The following SPOPL variants were observed in gnomAD, a reference collection of about 807,000 sequenced individuals.
The protein encoded by SPOPL is speckle type BTB/POZ protein like.
Under a neutral mutation model 53.8 loss-of-function variants are expected in SPOPL, and 23 were observed. The observed-to-expected ratio is 0.43, with a 90% CI of 0.31 to 0.61. The LOEUF (loss-of-function observed/expected upper bound fraction) is 0.61. Ranked by LOEUF, SPOPL falls within the 20% of genes least tolerant of loss-of-function variation. SPOPL has a pLI of 0.12. For missense variants in SPOPL, 442 were observed against 466.9 expected, an observed-to-expected ratio of 0.95 and a Z score of 0.49; for synonymous variants, 164 against 149.7, an observed-to-expected ratio of 1.10 and a Z score of -0.70.
At chr2:138,553,747 G>A (rs1242953824) in intron 5 of SPOPL, among the ~76,000 whole-genome samples, 1 of 151,996 alleles carries the variant, frequency 6.6e-6, no homozygotes, top group Non-Finnish European at 1.5e-5. Context: ...AATTTATTAT[G>A]AATACAATTA....
chr2:138,550,685 T>C (rs772720649), intron 3 of SPOPL, 81 bp downstream of exon 3: 42 of 1,523,396 alleles, frequency 2.8e-5, no homozygotes, highest in Non-Finnish European at 3.1e-5. Flanking sequence ...TTATCATTTT[T>C]CCTGAATGAG....
At chr2:138,533,387 C>T (rs1236315436) in intron 1 of SPOPL, among the ~76,000 whole-genome samples, 3 of 152,134 alleles carry the variant, frequency 2.0e-5, no homozygotes, top group African/African-American at 7.2e-5. Flanking sequence ...ACAGTACTCT[C>T]TCATATTATC....
At chr2:138,540,117 T>G (rs1404973198) in intron 1 of SPOPL, among the ~76,000 whole-genome samples, 14 of 152,280 alleles carry the variant, frequency 9.2e-5, no homozygotes, top group South Asian at 8.3e-4. Flanking sequence ...CTCTGTTTTG[T>G]TACCAGTACC....
At chr2:138,546,826 T>C (rs949271687) in intron 1 of SPOPL, among the ~76,000 whole-genome samples, 3 of 152,214 alleles carry the variant, frequency 2.0e-5, no homozygotes, top group Non-Finnish European at 4.4e-5. Context: ...ATATATAATA[T>C]CTTGTAAAGT....
chr2:138,526,991 G>A (rs1684690255), intron 1 of SPOPL, among the ~76,000 whole-genome samples: 1 of 152,130 alleles, frequency 6.6e-6, no homozygotes, highest in Non-Finnish European at 1.5e-5. Context: ...TTCCCAAAGT[G>A]CAGGGATTAC....
At chr2:138,506,657 G>A (rs952730396) in intron 1 of SPOPL, among the ~76,000 whole-genome samples, 1 of 152,078 alleles carries the variant, frequency 6.6e-6, no homozygotes, top group South Asian at 2.1e-4. Flanking sequence ...TTATTTTGTA[G>A]TTTCAGGGAA....
intron 1 of SPOPL, among the ~76,000 whole-genome samples, chr2:138,504,107 A>G (rs1024296316): frequency 2.6e-5 from 4 of 152,262 alleles, no homozygotes; most frequent in Non-Finnish European, 5.9e-5. Flanking sequence ...TTTAAATAGT[A>G]AAAGTTTGAA....
intron 1 of SPOPL, among the ~76,000 whole-genome samples, chr2:138,536,185 T>G (rs776507582): frequency 3.9e-5 from 6 of 152,216 alleles, no homozygotes; most frequent in Non-Finnish European, 8.8e-5. Flanking sequence ...GGTCATACTT[T>G]CTGTTTTTTC....
intron 1 of SPOPL, among the ~76,000 whole-genome samples, chr2:138,546,649 T>C (rs547506436): frequency 1.5e-4 from 23 of 152,282 alleles, no homozygotes; most frequent in African/African-American, 5.3e-4. Context: ...TTTTGTAAAA[T>C]ATGGAAGGGC....
At chr2:138,549,499 G>A (rs1257119366) in intron 1 of SPOPL, among the ~76,000 whole-genome samples, 1 of 152,114 alleles carries the variant, frequency 6.6e-6, no homozygotes, top group Non-Finnish European at 1.5e-5. Flanking sequence ...AGGTTATGAA[G>A]AGGTAATTAT....
intron 1 of SPOPL, among the ~76,000 whole-genome samples, chr2:138,542,560 C>T (rs1390848524): frequency 6.6e-6 from 1 of 152,072 alleles, no homozygotes; most frequent in Admixed American, 6.6e-5. Flanking sequence ...ATTGCAATCC[C>T]TGCCTTTTTT....
intron 1 of SPOPL, among the ~76,000 whole-genome samples, chr2:138,514,924 G>A (rs1444382029): frequency 6.6e-6 from 1 of 152,112 alleles, no homozygotes; most frequent in East Asian, 1.9e-4. Context: ...GTATTAAGTT[G>A]TGGGTAGGCT....
intron 1 of SPOPL, among the ~76,000 whole-genome samples, chr2:138,510,755 T>C (rs1684308441): frequency 6.6e-6 from 1 of 152,182 alleles, no homozygotes. Flanking sequence ...TCAGCTGTCA[T>C]TTGGATATAT....
intron 1 of SPOPL, among the ~76,000 whole-genome samples, chr2:138,512,951 C>T (rs921783885): frequency 7.2e-5 from 11 of 152,258 alleles, no homozygotes; most frequent in South Asian, 2.1e-4. Flanking sequence ...TTTTAATCCT[C>T]GTAACTACAC....
At chr2:138,525,663 A>AAGAAAAC (rs1553468802) in intron 1 of SPOPL, among the ~76,000 whole-genome samples, 1 of 130,482 alleles carries the variant, frequency 7.7e-6, no homozygotes, top group Non-Finnish European at 1.6e-5. Flanking sequence ...GTAGAAAAAA[A>AAGAAAAC]AAAAAAAAAA....
At chr2:138,545,211 G>A (rs1180172222) in intron 1 of SPOPL, among the ~76,000 whole-genome samples, 1 of 152,078 alleles carries the variant, frequency 6.6e-6, no homozygotes, top group Non-Finnish European at 1.5e-5. Context: ...TTTAGAATAA[G>A]GTCCATCTTG....
intron 5 of SPOPL, 37 bp downstream of exon 5, chr2:138,552,718 A>T (rs755940836): frequency 2.6e-5 from 42 of 1,590,046 alleles, no homozygotes; most frequent in Non-Finnish European, 3.5e-5. Context: ...CCCATGGTTT[A>T]TTTAGTGATA....
chr2:138,520,326 T>G (rs139523945), intron 1 of SPOPL, among the ~76,000 whole-genome samples: 1 of 152,350 alleles, frequency 6.6e-6, no homozygotes, highest in East Asian at 1.9e-4. Flanking sequence ...TGTAGTGAAC[T>G]TGAAGGTACT....
At chr2:138,568,520 A>G (rs1265595534) in intron 10 of SPOPL, among the ~76,000 whole-genome samples, 1 of 152,198 alleles carries the variant, frequency 6.6e-6, no homozygotes, top group Non-Finnish European at 1.5e-5. Context: ...ATTGAATTTC[A>G]TAGTTAAAAT....
Sources: allele counts gnomAD v4.1 joint callset (sites outside exome capture counted in the v4.1 genomes callset), GRCh38; gene constraint gnomAD v4.1.1; transcripts MANE v1.5; gene names NCBI Gene and HGNC (gene_info 2026-07-23, HGNC 2026-07-21).